The following GAPVD1 variants were observed in gnomAD, a reference collection of about 807,000 sequenced individuals.
GAPVD1 encodes the protein GTPase-activating protein and VPS9 domain-containing protein 1.
A neutral mutation model predicts 155.5 loss-of-function variants in GAPVD1; 35 were observed. The observed-to-expected ratio is 0.23, with a 90% CI of 0.17 to 0.30. The LOEUF (loss-of-function observed/expected upper bound fraction) is 0.30, where lower values mean the gene tolerates loss of function less well. Among genes scored for constraint, GAPVD1 ranks in the 10% least tolerant of loss-of-function variants. The pLI, the probability that GAPVD1 is intolerant of heterozygous loss-of-function variation, is 1.00. For synonymous variants in GAPVD1, 636 were observed against 619.7 expected (o/e 1.03, Z -0.39); for missense variants, 1,429 against 1,775.7 (o/e 0.80, Z 3.51).
chr9:125,349,054 A>G lies in GAPVD1; in HGVS notation c.3170-336A>G, dbSNP rs538368867. ...AATGAGGGTATAAAATGATTTTTGA[A>G]GCCTCTTTTAGTTCTCTGGTTCAGT... On this transcript the variant is annotated intron_variant, in intron 20 of 27. Coordinates refer to ENST00000297933, the MANE Select transcript of GAPVD1 (RefSeq NM_001282680.3). 2.6e-5 allele frequency among the ~76,000 whole-genome samples: 4 copies of G among 152,280 alleles called. No individual in the cohort carries two copies. In the South Asian group the frequency reaches 8.3e-4, roughly 32 times the overall value.
At chr9:125,293,448 G>A (rs909094172) in intron 2 of GAPVD1, among the ~76,000 whole-genome samples, 1 of 148,514 alleles carries the variant, frequency 6.7e-6, no homozygotes, top group Non-Finnish European at 1.5e-5. Flanking sequence ...TTAAAGTAGA[G>A]AAATGGCTTT....
chr9:125,339,789 C>G, intron 17 of GAPVD1, among the ~76,000 whole-genome samples: 1 of 152,176 alleles, frequency 6.6e-6, no homozygotes, highest in East Asian at 1.9e-4. Context: ...AATCTACTTT[C>G]ACTATTCTTC....
At chr9:125,339,887 C>T (rs1847590536) in intron 17 of GAPVD1, among the ~76,000 whole-genome samples, 3 of 152,212 alleles carry the variant, frequency 2.0e-5, no homozygotes, top group Non-Finnish European at 4.4e-5. Flanking sequence ...CACAGATGCC[C>T]TCATCTCTCT....
chr9:125,315,425 C>T (rs1328592440), intron 9 of GAPVD1, among the ~76,000 whole-genome samples: 1 of 152,206 alleles, frequency 6.6e-6, no homozygotes, highest in Non-Finnish European at 1.5e-5. Flanking sequence ...CCATCTTCAA[C>T]CCCCAGCCCA....
intron 17 of GAPVD1, among the ~76,000 whole-genome samples, chr9:125,340,860 A>G (rs1294450707): frequency 6.6e-6 from 1 of 152,192 alleles, no homozygotes; most frequent in African/African-American, 2.4e-5. Context: ...TTCTTATTTC[A>G]CAAACTTACT....
intron 4 of GAPVD1, among the ~76,000 whole-genome samples, chr9:125,299,324 T>C (rs2130787932): frequency 6.6e-6 from 1 of 152,358 alleles, no homozygotes; most frequent in Admixed American, 6.5e-5. Flanking sequence ...CATTGACATT[T>C]TATATCACAC....
chr9:125,307,290 A>G (rs1366133581), intron 6 of GAPVD1, 123 bp from the exon 7 acceptor site: 3 of 705,092 alleles, frequency 4.3e-6, no homozygotes, highest in East Asian at 2.9e-5. Flanking sequence ...AAAAAATTCA[A>G]CATCTTAAAA....
chr9:125,324,422 C>T (rs1844837772), intron 11 of GAPVD1, among the ~76,000 whole-genome samples: 1 of 152,068 alleles, frequency 6.6e-6, no homozygotes, highest in Admixed American at 6.6e-5. Context: ...GAAAGCCCGT[C>T]TCTACTGAAA....
chr9:125,350,447 G>C (rs762451156), intron 22 of GAPVD1, 43 bp downstream of exon 22: 2 of 1,228,982 alleles, frequency 1.6e-6, no homozygotes, highest in Admixed American at 1.7e-5. Flanking sequence ...ATGTTTATGG[G>C]TTGCACCATA....
At chr9:125,318,116 C>T (rs1460494109) in intron 9 of GAPVD1, among the ~76,000 whole-genome samples, 1 of 152,216 alleles carries the variant, frequency 6.6e-6, no homozygotes, top group African/African-American at 2.4e-5. Flanking sequence ...TCCCTAGTAG[C>T]TGGGACCACA....
In GAPVD1 at chr9:125,326,490, A is replaced by G; in HGVS notation, c.1933A>G (p.Arg645Gly). Residue 645 changes from arginine to glycine, a missense_variant, in exon 12 of 28, where the codon AGG (arginine) becomes GGG (glycine). Around this residue, in one of 4 missense-constraint regions of GAPVD1, gnomAD observed 699 missense variants for 826.0 expected, o/e 0.85. Transcript: ENST00000297933. Reference protein sequence around the residue: ...IRDMMGLTDDRDISETVSETW... With the variant: ...IRDMMGLTDDGDISETVSETW... ...TGACATGATGGGATTAACAGATGAT[A>G]GGGACATATCAGAAACAGTGAGTGA... 1.2e-6 allele frequency: 2 copies of G among 1,608,078 alleles called. No individual in the cohort carries two copies. The highest frequency in any genetic ancestry group is 1.7e-6 in the Non-Finnish European group (2 of 1,174,442).
chr9:125,278,835 GA>G (rs5900648), intron 2 of GAPVD1, among the ~76,000 whole-genome samples: 3,099 of 143,190 alleles, frequency 0.022, 80 homozygotes, highest in African/African-American at 0.072. Context: ...ATGCTGTCTG[GA>G]AAAAAAAAAA....
intron 9 of GAPVD1, among the ~76,000 whole-genome samples, chr9:125,318,968 G>A (rs1843866708): frequency 6.6e-6 from 1 of 151,808 alleles, no homozygotes; most frequent in Non-Finnish European, 1.5e-5. Context: ...TTGAGGTCAG[G>A]AGTTTGAGAC....
chr9:125,267,628 T>C (rs1394903314), intron 1 of GAPVD1, among the ~76,000 whole-genome samples: 1 of 152,026 alleles, frequency 6.6e-6, no homozygotes. Context: ...AGGCTGGTCT[T>C]GAACTCCTGA....
intron 17 of GAPVD1, among the ~76,000 whole-genome samples, chr9:125,339,719 CAG>C (rs1847558673): frequency 1.3e-5 from 2 of 152,224 alleles, no homozygotes; most frequent in African/African-American, 4.8e-5. Flanking sequence ...CCAAACACAA[CAG>C]AGTTTGTTTC....
At chr9:125,283,028 T>TTTTATTTA (rs10649964) in intron 2 of GAPVD1, among the ~76,000 whole-genome samples, 7,272 of 143,322 alleles carry the variant, frequency 0.051, 397 homozygotes, top group African/African-American at 0.13. Context: ...TTATTTTTAT[T>TTTTATTTA]TTTATTTATT....
intron 5 of GAPVD1, chr9:125,303,883 T>C (rs1272040620): frequency 2.0e-5 from 3 of 152,140 alleles, no homozygotes; most frequent in Non-Finnish European, 4.4e-5. Flanking sequence ...GAAATAAAAT[T>C]TTTAACTTTT....
chr9:125,346,946 T>C lies in GAPVD1; in HGVS notation c.3169+5T>C. 1 of 1,612,370 alleles carries C rather than the reference T, an allele frequency of 6.2e-7. No individual in the cohort carries two copies. Among genetic ancestry groups the C allele is most frequent in the Middle Eastern group, 1.6e-4 (1 of 6,062 alleles). ...TGGCAAACTATGAAAGTACAGGTGA[T>C]AATCATGACAGAGATTTGAGTAGTA... is the stretch of plus-strand genomic sequence containing the variant. On this transcript the variant is annotated splice_donor_5th_base_variant and intron_variant, in intron 20 of 27. Transcript: ENST00000297933.
chr9:125,294,439 T>G (rs1839502765), intron 2 of GAPVD1, among the ~76,000 whole-genome samples: 1 of 151,346 alleles, frequency 6.6e-6, no homozygotes, highest in African/African-American at 2.4e-5. Flanking sequence ...CTTCACCTCT[T>G]GGGTTTGAGC....
Sources: allele counts gnomAD v4.1 joint callset (sites outside exome capture counted in the v4.1 genomes callset), GRCh38; gene constraint gnomAD v4.1.1; regional missense constraint gnomAD v4.1.1; transcripts MANE v1.5; gene names NCBI Gene and HGNC (gene_info 2026-07-23, HGNC 2026-07-21).